AMN: variants seen among roughly 807,000 people sequenced by gnomAD.
AMN encodes the protein protein amnionless.
AMN carries 40 observed loss-of-function variants against 49.1 expected under a neutral mutation model. The ratio of observed to expected loss-of-function variants is 0.81; its 90% CI spans 0.63 to 1.06. The LOEUF (loss-of-function observed/expected upper bound fraction) is 1.06. Among genes scored for constraint, AMN ranks in the 50% least tolerant of loss-of-function variants. The probability of loss-of-function intolerance (pLI) is 0.00; values close to 1 mark genes in which losing one functional copy is unlikely to be tolerated. For missense variants in AMN, 701 were observed against 662.8 expected (o/e 1.06, Z -0.63); for synonymous variants, 380 against 313.3 (o/e 1.21, Z -2.25).
chr14:102,929,597 G>C (rs1220557852), intron 7 of AMN, 58 bp from the exon 8 acceptor site: 1 of 1,546,744 alleles, frequency 6.5e-7, no homozygotes, highest in African/African-American at 1.4e-5. Context: ...TTCGTCCCCC[G>C]CCTCAGTTTC....
chr14:102,930,386 C>A lies in AMN; in HGVS notation c.1170-20C>A. On this transcript the variant is annotated intron_variant, in intron 10 of 11. Transcript: ENST00000299155. ...GGGTTGCTCCGAGGGGCTCACGCTG[C>A]GTCCCCGCTACGCCCTCAGGTGGAG... 6.7e-7 allele frequency: 1 copy of A among 1,501,710 alleles called. No homozygotes were observed. The highest frequency in any genetic ancestry group is 1.2e-5 in the South Asian group (1 of 80,426). 93.0% of individuals were successfully genotyped at this position (1,501,710 alleles called of 1,614,324 possible). A position where few individuals can be genotyped will look rare whatever the true frequency, so the allele number is the denominator to read the frequency against.
intron 3 of AMN, among the ~76,000 whole-genome samples, chr14:102,927,947 A>T (rs1393575209): frequency 6.6e-6 from 1 of 152,150 alleles, no homozygotes; most frequent in Non-Finnish European, 1.5e-5. Context: ...TGGCCGCCAG[A>T]TGCAGCCTCT....
chr14:102,923,024 T>C (rs972032697), intron 1 of AMN: 30 of 436,254 alleles, frequency 6.9e-5, no homozygotes, highest in Non-Finnish European at 1.2e-4. Context: ...GTCTGCGAAA[T>C]GGGCGCGGTC....
rs144077391 is a variant in AMN at position 102,929,087 on chromosome 14, G to A, written c.514-34G>A. On this transcript the variant is annotated intron_variant, in intron 5 of 11. Coordinates refer to ENST00000299155, the MANE Select transcript of AMN (RefSeq NM_030943.4). Reference sequence around the variant, plus strand: ...AGCACTCAGGTGAAGTCTCTTCCTCGGGCTGGCTCCGGTGGGGACCCGGCT... The same window carrying A: ...AGCACTCAGGTGAAGTCTCTTCCTCAGGCTGGCTCCGGTGGGGACCCGGCT... 17 of 1,597,430 alleles carry A rather than the reference G, an allele frequency of 1.1e-5. No homozygotes were observed. The highest frequency in any genetic ancestry group is 1.4e-5 in the Non-Finnish European group (17 of 1,179,604).
In AMN at chr14:102,930,442, G is replaced by C; in HGVS notation, c.1206G>C (p.Ala402=). 1 of 1,523,992 alleles carries C rather than the reference G, an allele frequency of 6.6e-7. No homozygotes were observed. The allele number at this position is 1,523,992 out of a possible 1,614,324, so 94.4% of individuals were successfully genotyped here. Residue 402 remains alanine, a synonymous_variant, in exon 11 of 12, where the codon GCG becomes GCC. Transcript: ENST00000299155. The part of the protein sequence containing the change: ...RRHEAAAPAG[A]PLGFRNPVFD... ...ACGAGGCGGCGGCCCCGGCTGGAGC[G>C]CCCCTCGGCTTCCGCAACCCGGTGT...
Position 102,930,244 on chromosome 14 carries a change from G to A in AMN, c.1086G>A (p.Ala362=), listed in dbSNP as rs959195796. 3.8e-4 allele frequency: 525 copies of A among 1,382,680 alleles called. No individual in the cohort carries two copies. Among genetic ancestry groups the A allele is most frequent in the Non-Finnish European group, 4.7e-4 (503 of 1,070,634 alleles). 85.7% of individuals were successfully genotyped at this position (1,382,680 alleles called of 1,614,324 possible). A position where few individuals can be genotyped will look rare whatever the true frequency, so the allele number is the denominator to read the frequency against. Reference sequence around the variant, plus strand: ...GGGGCAGCTCCGCGGCTGGGCTGGCGGGCGGCGTGGCGGCTGCCGTGCTGC... The same window carrying A: ...GGGGCAGCTCCGCGGCTGGGCTGGCAGGCGGCGTGGCGGCTGCCGTGCTGC... ...HVWGSSAAGL[A]GGVAAAVLLA... is the part of the protein sequence containing the mutation. The change falls in exon 10 of 12, where the codon GCG becomes GCA. Residue 362 remains alanine, a synonymous_variant. Coordinates refer to ENST00000299155, the MANE Select transcript of AMN (RefSeq NM_030943.4).
rs541545832 is a variant in AMN at position 102,923,526 on chromosome 14, C to G, written c.44-185C>G. 4.4e-5 allele frequency: 28 copies of G among 636,002 alleles called. No individual in the cohort carries two copies. In the East Asian group the frequency reaches 7.5e-4, roughly 17 times the overall value. 39.4% of individuals were successfully genotyped at this position (636,002 alleles called of 1,614,324 possible). The stretch of plus-strand genomic sequence containing the variant: ...ATCAGTAGAAGTCCGTTGGAGAGCG[C>G]CCGGGCAGGGCGCCCACAGTCTGGC... On this transcript the variant is annotated intron_variant, in intron 1 of 11. Coordinates refer to ENST00000299155, the MANE Select transcript of AMN (RefSeq NM_030943.4).
chr14:102,929,410 C>A lies in AMN; in HGVS notation c.652-18C>A. 1 of 1,529,622 alleles carries A rather than the reference C, an allele frequency of 6.5e-7. No individual in the cohort carries two copies. Among genetic ancestry groups the A allele is most frequent in the South Asian group, 1.2e-5 (1 of 83,522 alleles). The allele number at this position is 1,529,622 out of a possible 1,614,324, so 94.8% of individuals were successfully genotyped here. A position where few individuals can be genotyped will look rare whatever the true frequency, so the allele number is the denominator to read the frequency against. The stretch of plus-strand genomic sequence containing the variant: ...GTCCGCTCTGGCCCTCCGCGCTGAC[C>A]ACCGCCCCTCGCACCAGGCGCAGCC... On this transcript the variant is annotated intron_variant, in intron 6 of 11. Coordinates refer to ENST00000299155, the MANE Select transcript of AMN (RefSeq NM_030943.4).
intron 7 of AMN, 34 bp from the exon 8 acceptor site, chr14:102,929,620 GA>G (rs1891284237): frequency 7.1e-6 from 11 of 1,548,018 alleles, no homozygotes; most frequent in Non-Finnish European, 9.6e-6. Context: ...GCCGGGCCCG[GA>G]TCCACGGCGC....
intron 5 of AMN, 43 bp downstream of exon 5, chr14:102,929,018 C>G (rs778244734): frequency 6.3e-6 from 10 of 1,594,650 alleles, no homozygotes; most frequent in South Asian, 1.1e-5. Flanking sequence ...CTCTCCCCAC[C>G]TCGGCCCGAC....
At chr14:102,926,953 G>A (rs1011340427) in intron 3 of AMN, among the ~76,000 whole-genome samples, 14 of 152,098 alleles carry the variant, frequency 9.2e-5, no homozygotes, top group Non-Finnish European at 4.4e-5. Context: ...GTGCAATGGC[G>A]TGATCACGGC....
Position 102,930,700 on chromosome 14 carries a change from C to T in AMN, c.*20C>T. On this transcript the variant is annotated 3_prime_UTR_variant, in exon 12 of 12. Transcript: ENST00000299155. ...GCCTGAGCGGCCGCCTGACCGTCGA[C>T]CTTGGGGCTCTCCACCCGCTCTGGC... is the stretch of plus-strand genomic sequence containing the variant. The T allele has an allele frequency of 3.8e-6, 6 of 1,561,238 alleles. No individual in the cohort carries two copies. The highest frequency in any genetic ancestry group is 5.2e-6 in the Non-Finnish European group (6 of 1,154,356).
chr14:102,927,590 G>A (rs1402423623), intron 3 of AMN, among the ~76,000 whole-genome samples: 1 of 152,230 alleles, frequency 6.6e-6, no homozygotes, highest in Non-Finnish European at 1.5e-5. Context: ...CTCAGGTGCA[G>A]TGCTCCTGGA....
Position 102,930,059 on chromosome 14 carries a change from G to A in AMN, c.979G>A (p.Ala327Thr). 1.9e-6 allele frequency: 3 copies of A among 1,545,368 alleles called. No homozygotes were observed. Among genetic ancestry groups the A allele is most frequent in the Non-Finnish European group, 2.6e-6 (3 of 1,146,036 alleles). The change falls in exon 9 of 12, where the codon GCC (alanine) becomes ACC (threonine). Residue 327 changes from alanine (A) to threonine (T), a missense_variant. Transcript: ENST00000299155. ...AGGCGGAGCGGGGCGGCTGGCCCGG[G>A]CCCTCCTGGCGGACGTCGCCGAGAA... ...ETGGAGRLARALLADVAENGE... is the reference protein window; with the variant it reads ...ETGGAGRLARTLLADVAENGE...
intron 1 of AMN, 26 bp downstream of exon 1, chr14:102,922,757 G>A (rs900952948): frequency 7.6e-6 from 12 of 1,569,650 alleles, no homozygotes; most frequent in Non-Finnish European, 9.5e-6. Flanking sequence ...ACCGGTGCGG[G>A]CCCGGACGGT....
chr14:102,930,391 C>A lies in AMN; in HGVS notation c.1170-15C>A. ...GCTCCGAGGGGCTCACGCTGCGTCC[C>A]CGCTACGCCCTCAGGTGGAGGAGGC... is the stretch of plus-strand genomic sequence containing the variant. On this transcript the variant is annotated splice_polypyrimidine_tract_variant and intron_variant, in intron 10 of 11. Coordinates refer to ENST00000299155, the MANE Select transcript of AMN (RefSeq NM_030943.4). The A allele has an allele frequency of 6.6e-7, 1 of 1,507,224 alleles. No individual in the cohort carries two copies. Among genetic ancestry groups the A allele is most frequent in the Non-Finnish European group, 8.8e-7 (1 of 1,134,356 alleles). 93.4% of individuals were successfully genotyped at this position (1,507,224 alleles called of 1,614,324 possible).
Position 102,923,695 on chromosome 14 carries a change from G to C in AMN, c.44-16G>C. On this transcript the variant is annotated splice_polypyrimidine_tract_variant and intron_variant, in intron 1 of 11. Transcript: ENST00000299155. The stretch of plus-strand genomic sequence containing the variant: ...TCCCGGAGAGCATCCCGGGCACTCA[G>C]TCGCCTCCTCCCCAGCACTGACCCA... The C allele has an allele frequency of 1.2e-6, 2 of 1,607,502 alleles. No homozygotes were observed. Among genetic ancestry groups the C allele is most frequent in the Non-Finnish European group, 1.7e-6 (2 of 1,175,188 alleles).
intron 1 of AMN, chr14:102,923,252 C>T (rs75380401): frequency 0.01 from 2,856 of 275,182 alleles, 89 homozygotes; most frequent in African/African-American, 0.06. Context: ...GCCCCCAGCC[C>T]CTTCTTACTT....
Position 102,928,794 on chromosome 14 carries a change from C to T in AMN, c.332C>T (p.Ser111Phe), listed in dbSNP as rs375355075. The T allele has an allele frequency of 1.2e-6, 2 of 1,608,398 alleles. No homozygotes were observed. The highest frequency in any genetic ancestry group is 1.3e-5 in the African/African-American group (1 of 74,932). The change falls in exon 5 of 12, where the codon TCC (serine) becomes TTC (phenylalanine). Residue 111 changes from serine (S) to phenylalanine (F), a missense_variant. Coordinates refer to ENST00000299155, the MANE Select transcript of AMN (RefSeq NM_030943.4). ...GTCTTCCGCGACTCTGACCGCTTCTCCTGGCATGACCCGCACCTGTGGCGC... is the reference window on the plus strand; with the variant it reads ...GTCTTCCGCGACTCTGACCGCTTCTTCTGGCATGACCCGCACCTGTGGCGC... The part of the protein sequence containing the change: ...PAVFRDSDRF[S>F]WHDPHLWRSG...
Sources: allele counts gnomAD v4.1 joint callset (sites outside exome capture counted in the v4.1 genomes callset), GRCh38; gene constraint gnomAD v4.1.1; transcripts MANE v1.5; gene names NCBI Gene and HGNC (gene_info 2026-07-23, HGNC 2026-07-21).